SOX5: variants seen among roughly 807,000 people sequenced by gnomAD.
The protein encoded by SOX5 is transcription factor SOX-5.
In SOX5, 9 loss-of-function variants were observed where a neutral mutation model predicts 92.0. The observed-to-expected ratio is 0.10, with a 90% CI of 0.06 to 0.17. The LOEUF is 0.17. SOX5 is among the 10% of genes least tolerant of loss of function. The pLI, the probability that SOX5 is intolerant of heterozygous loss-of-function variation, is 1.00. For missense variants in SOX5, 642 were observed against 944.5 expected, an observed-to-expected ratio of 0.68 and a Z score of 4.20; for synonymous variants, 344 against 336.3, an observed-to-expected ratio of 1.02 and a Z score of -0.25.
intron 3 of SOX5, among the ~76,000 whole-genome samples, chr12:23,837,269 T>C (rs529366721): frequency 0.11 from 7,719 of 71,130 alleles, 839 homozygotes; most frequent in East Asian, 0.43. Context: ...ATATAATATA[T>C]AATATGTATT....
chr12:23,970,882 T>C (rs1420114174), intron 4 of SOX5, among the ~76,000 whole-genome samples: 2 of 129,818 alleles, frequency 1.5e-5, no homozygotes, highest in Admixed American at 8.5e-5. Flanking sequence ...TTCTAACTCC[T>C]GGGCTCAAAC....
intron 1 of SOX5, among the ~76,000 whole-genome samples, chr12:24,494,273 A>G (rs1268088735): frequency 6.6e-6 from 1 of 152,218 alleles, no homozygotes; most frequent in African/African-American, 2.4e-5. Flanking sequence ...TAAAGAATAT[A>G]AAGGCAAGAT....
chr12:24,279,441 G>C (rs1004061542), intron 2 of SOX5, among the ~76,000 whole-genome samples: 1 of 152,014 alleles, frequency 6.6e-6, no homozygotes, highest in African/African-American at 2.4e-5. Context: ...TCAGAAAAGA[G>C]GTTGTAAAAA....
rs565079462 is a variant in SOX5 at position 24,496,143 on chromosome 12, G to A, written c.-251+66186C>T. ...TCCAAAAAGTGGGGGTTGAAGGGGT[G>A]GAATTCCAGAACCTTAGTAACTACA... On this transcript the variant is annotated intron_variant, in intron 1 of 4. Transcript: ENST00000446891. Among the ~76,000 whole-genome samples the A allele has an allele frequency of 4.6e-5, 7 of 152,202 alleles. No homozygotes were observed. The East Asian group carries it at 1.4e-3, about 29-fold the overall frequency.
intron 1 of SOX5, among the ~76,000 whole-genome samples, chr12:24,387,661 A>G (rs1357323398): frequency 2.0e-5 from 3 of 152,202 alleles, no homozygotes; most frequent in Admixed American, 2.0e-4. Flanking sequence ...TAATTTTCTT[A>G]CAGGGAATAT....
At chr12:24,545,258 A>G (rs1952513653) in intron 1 of SOX5, among the ~76,000 whole-genome samples, 1 of 152,176 alleles carries the variant, frequency 6.6e-6, no homozygotes, top group Non-Finnish European at 1.5e-5. Context: ...TTTTCTCCAA[A>G]GCCAGAAATT....
intron 2 of SOX5, among the ~76,000 whole-genome samples, chr12:23,893,431 C>A (rs755739387): frequency 1.3e-5 from 2 of 150,352 alleles, no homozygotes; most frequent in Admixed American, 1.3e-4. Context: ...GGTGACAGGG[C>A]GGGACTCCAT....
rs569463753 is a variant in SOX5 at position 23,838,983 on chromosome 12, G to T, written c.481+7000C>A. Among the ~76,000 whole-genome samples, 17 of 151,380 alleles carry T rather than the reference G, an allele frequency of 1.1e-4. No individual in the cohort carries two copies. In the East Asian group the frequency reaches 3.4e-3, roughly 30 times the overall value. On this transcript the variant is annotated intron_variant, in intron 3 of 14. Coordinates refer to ENST00000451604, the MANE Select transcript of SOX5 (RefSeq NM_006940.6). ...GCCTCCCAAGCAGCTGGGATTACAG[G>T]TGCCCACCACCACACCCAGCTATTT...
At chr12:23,612,132 G>C (rs1026402935) in intron 8 of SOX5, among the ~76,000 whole-genome samples, 3 of 151,918 alleles carry the variant, frequency 2.0e-5, no homozygotes, top group Non-Finnish European at 4.4e-5. Context: ...TTTTCTCCCA[G>C]TGTAATCTCA....
At chr12:23,753,515 C>T (rs74621990) in intron 4 of SOX5, among the ~76,000 whole-genome samples, 231 of 151,890 alleles carry the variant, frequency 1.5e-3, no homozygotes, top group African/African-American at 5.2e-3. Context: ...TATTTAAATA[C>T]ATTATTTTAA....
chr12:24,538,791 C>G (rs1181900342), intron 1 of SOX5, among the ~76,000 whole-genome samples: 1 of 152,130 alleles, frequency 6.6e-6, no homozygotes, highest in Non-Finnish European at 1.5e-5. Context: ...CACTAAAACT[C>G]TTAACTTTCG....
rs558270211 is a variant in SOX5, at chr12:23,539,843, A to C, written c.1772-3174T>G. ...CAAAACTAAGAATAAAGATAGGCTA[A>C]GTACTAACCGGGTCAAATGGCTGAC... On this transcript the variant is annotated intron_variant, in intron 13 of 14. Transcript: ENST00000451604. Among the ~76,000 whole-genome samples the C allele has an allele frequency of 7.2e-5, 11 of 152,322 alleles. No individual in the cohort carries two copies. In the East Asian group the frequency reaches 9.6e-4, roughly 13 times the overall value.
At chr12:23,726,667 G>T (rs747156629) in intron 6 of SOX5, among the ~76,000 whole-genome samples, 1 of 152,124 alleles carries the variant, frequency 6.6e-6, no homozygotes, top group Non-Finnish European at 1.5e-5. Flanking sequence ...GGACTACAGA[G>T]CCTCAGTGAG....
At chr12:23,614,046 C>T (rs1257020760) in intron 8 of SOX5, among the ~76,000 whole-genome samples, 1 of 152,116 alleles carries the variant, frequency 6.6e-6, no homozygotes, top group Non-Finnish European at 1.5e-5. Context: ...TAGCTCCATT[C>T]AAGAGACAAG....
intron 1 of SOX5, among the ~76,000 whole-genome samples, chr12:23,919,733 G>C (rs1036092046): frequency 6.6e-6 from 1 of 152,168 alleles, no homozygotes; most frequent in African/African-American, 2.4e-5. Flanking sequence ...GGCAGGATTC[G>C]ACCCTGAGCC....
At chr12:24,031,887 C>T (rs2136867961) in intron 4 of SOX5, among the ~76,000 whole-genome samples, 1 of 151,638 alleles carries the variant, frequency 6.6e-6, no homozygotes, top group African/African-American at 2.4e-5. Flanking sequence ...TAATTTTATC[C>T]ATAAGAGAAT....
intron 2 of SOX5, among the ~76,000 whole-genome samples, chr12:24,320,113 T>C (rs1490725138): frequency 1.3e-5 from 2 of 152,212 alleles, no homozygotes; most frequent in Non-Finnish European, 2.9e-5. Flanking sequence ...GATGGCCATG[T>C]AAACATACAG....
intron 4 of SOX5, among the ~76,000 whole-genome samples, chr12:24,034,045 G>T (rs189596282): frequency 1.3e-4 from 20 of 152,038 alleles, no homozygotes; most frequent in Admixed American, 1.2e-3. Context: ...CCAAATTTAG[G>T]ACTATCAGTC....
intron 2 of SOX5, among the ~76,000 whole-genome samples, chr12:23,854,061 A>C (rs571303726): frequency 6.6e-6 from 1 of 152,026 alleles, no homozygotes; most frequent in African/African-American, 2.4e-5. Flanking sequence ...ATATCTATTC[A>C]CTCTATGTGT....
Sources: allele counts gnomAD v4.1 joint callset (sites outside exome capture counted in the v4.1 genomes callset), GRCh38; gene constraint gnomAD v4.1.1; transcripts MANE v1.5; gene names NCBI Gene and HGNC (gene_info 2026-07-23, HGNC 2026-07-21).